CYB5R4: variants seen among roughly 807,000 people sequenced by gnomAD.
CYB5R4 encodes the protein N-terminal cytochrome b5 and cytochrome b5 oxidoreductase domain-containing protein.
CYB5R4 carries 55 observed loss-of-function variants against 70.2 expected under a neutral mutation model. The observed-to-expected ratio is 0.78, with a 90% CI of 0.63 to 0.98. The LOEUF is 0.98. Among genes scored for constraint, CYB5R4 ranks in the 50% least tolerant of loss-of-function variants. The pLI is 0.00. For missense variants in CYB5R4, 562 were observed against 612.6 expected, an observed-to-expected ratio of 0.92 and a Z score of 0.87; for synonymous variants, 197 against 199.5, an observed-to-expected ratio of 0.99 and a Z score of 0.11.
Position 83,922,181 on chromosome 6 carries a change from C to T in CYB5R4, c.659-257C>T, listed in dbSNP as rs574166458. ...CTGGAACCATCCATGCTTGGACTAG[C>T]GTGGGTTACCCATTTATGGGCAATT... On this transcript the variant is annotated intron_variant, in intron 8 of 15. Coordinates refer to ENST00000369681, the MANE Select transcript of CYB5R4 (RefSeq NM_016230.4). 4.6e-5 allele frequency among the ~76,000 whole-genome samples: 7 copies of T among 152,152 alleles called. No individual in the cohort carries two copies. The South Asian group carries it at 6.2e-4, about 14-fold the overall frequency.
chr6:83,943,157 C>T (rs2099470027), intron 14 of CYB5R4, among the ~76,000 whole-genome samples: 1 of 152,170 alleles, frequency 6.6e-6, no homozygotes, highest in African/African-American at 2.4e-5. Flanking sequence ...ACACCTGAGC[C>T]TCCTGACGGG....
At chr6:83,898,638 G>A (rs1013262550) in intron 3 of CYB5R4, among the ~76,000 whole-genome samples, 261 of 151,778 alleles carry the variant, frequency 1.7e-3, no homozygotes, top group Middle Eastern at 0.014. Context: ...CTTTTATTGC[G>A]TTGAGCAGTG....
intron 12 of CYB5R4, among the ~76,000 whole-genome samples, chr6:83,937,455 TC>T (rs1355961606): frequency 6.6e-6 from 1 of 152,184 alleles, no homozygotes; most frequent in Non-Finnish European, 1.5e-5. Flanking sequence ...GTCTTACTTA[TC>T]TTTGTATTTC....
chr6:83,934,799 A>G (rs1588581473), intron 11 of CYB5R4, 64 bp downstream of exon 11: 7 of 1,395,596 alleles, frequency 5.0e-6, no homozygotes, highest in South Asian at 4.1e-5. Context: ...AATCAGTACT[A>G]TTCTCTCTAG....
chr6:83,959,668 AT>A (rs2099473011), intron 15 of CYB5R4, among the ~76,000 whole-genome samples, 155 bp from the exon 16 acceptor site: 1 of 152,122 alleles, frequency 6.6e-6, no homozygotes, highest in African/African-American at 2.4e-5. Context: ...CTAATCACTA[AT>A]TTTTTAAGAG....
intron 2 of CYB5R4, among the ~76,000 whole-genome samples, chr6:83,886,548 A>T (rs192452156): frequency 6.6e-6 from 1 of 152,242 alleles, no homozygotes; most frequent in East Asian, 1.9e-4. Flanking sequence ...ATATTGTATG[A>T]TCCCATTTGT....
intron 2 of CYB5R4, among the ~76,000 whole-genome samples, chr6:83,884,155 T>A (rs1185532089): frequency 1.3e-5 from 2 of 151,822 alleles, no homozygotes; most frequent in African/African-American, 4.8e-5. Context: ...AAATGATAGT[T>A]TATAATAATT....
chr6:83,864,403 T>G (rs1404755383), intron 2 of CYB5R4, 75 bp downstream of exon 2: 1 of 1,313,432 alleles, frequency 7.6e-7, no homozygotes, highest in East Asian at 2.4e-5. Context: ...AACCTCACAG[T>G]CATGTTATTT....
chr6:83,904,025 A>C (rs2099463396), intron 3 of CYB5R4, among the ~76,000 whole-genome samples: 1 of 152,024 alleles, frequency 6.6e-6, no homozygotes, highest in East Asian at 1.9e-4. Flanking sequence ...TCTTTTTAAA[A>C]AATCTATTTC....
chr6:83,864,549 A>G (rs2099456454), intron 2 of CYB5R4, among the ~76,000 whole-genome samples: 1 of 152,190 alleles, frequency 6.6e-6, no homozygotes, highest in African/African-American at 2.4e-5. Context: ...GATACGAAAA[A>G]GTTTTTCTTG....
chr6:83,882,400 A>T (rs1035943863), intron 2 of CYB5R4, among the ~76,000 whole-genome samples: 2 of 152,224 alleles, frequency 1.3e-5, no homozygotes, highest in East Asian at 3.8e-4. Flanking sequence ...CTGAAGGCTG[A>T]AAACGTTGAA....
At chr6:83,900,650 C>G (rs1168417728) in intron 3 of CYB5R4, among the ~76,000 whole-genome samples, 1 of 152,138 alleles carries the variant, frequency 6.6e-6, no homozygotes. Flanking sequence ...TCTGGGTGCT[C>G]CTGTATTGGG....
intron 3 of CYB5R4, among the ~76,000 whole-genome samples, chr6:83,899,001 G>C (rs2099462408): frequency 6.6e-6 from 1 of 152,176 alleles, no homozygotes; most frequent in Non-Finnish European, 1.5e-5. Context: ...CCAACACTAT[G>C]TTGAATAGGA....
Position 83,919,433 on chromosome 6 carries a change from T to G in CYB5R4, c.543T>G (p.Ile181Met). 1 of 1,520,198 alleles carries G rather than the reference T, an allele frequency of 6.6e-7. No homozygotes were observed. Among genetic ancestry groups the G allele is most frequent in the Non-Finnish European group, 9.0e-7 (1 of 1,114,300 alleles). The allele number at this position is 1,520,198 out of a possible 1,614,324, so 94.2% of individuals were successfully genotyped here. Residue 181 changes from isoleucine to methionine, a missense_variant, in exon 7 of 16, where the codon ATT (isoleucine) becomes ATG (methionine). Ile to Met is a conservative substitution (Grantham distance 10). Coordinates refer to ENST00000369681, the MANE Select transcript of CYB5R4 (RefSeq NM_016230.4). Reference sequence around the variant, plus strand: ...TCCAAACAGACTCTTTAGTCACCATTGCCATATATACTAAACAGAAGGTAA... The same window carrying G: ...TCCAAACAGACTCTTTAGTCACCATGGCCATATATACTAAACAGAAGGTAA... ...DWFQTDSLVT[I>M]AIYTKQKDIN...
chr6:83,956,551 A>G (rs1276783423), intron 15 of CYB5R4, among the ~76,000 whole-genome samples: 1 of 152,152 alleles, frequency 6.6e-6, no homozygotes, highest in African/African-American at 2.4e-5. Flanking sequence ...CCTTAGAGAT[A>G]ATAGATGACA....
chr6:83,898,882 T>A (rs1399760781), intron 3 of CYB5R4, among the ~76,000 whole-genome samples: 1 of 152,218 alleles, frequency 6.6e-6, no homozygotes, highest in Non-Finnish European at 1.5e-5. Flanking sequence ...GATGGGGTAT[T>A]CTAAATATAC....
intron 4 of CYB5R4, among the ~76,000 whole-genome samples, chr6:83,912,809 G>A (rs1201150041): frequency 6.6e-6 from 1 of 152,184 alleles, no homozygotes; most frequent in African/African-American, 2.4e-5. Context: ...AACAGAGTAG[G>A]AGAATTTTTA....
intron 2 of CYB5R4, among the ~76,000 whole-genome samples, chr6:83,865,727 A>G (rs913781714): frequency 6.6e-6 from 1 of 152,140 alleles, no homozygotes; most frequent in African/African-American, 2.4e-5. Context: ...ACTTCAACCT[A>G]TGAATTTGGA....
At chr6:83,900,326 G>A (rs1014905962) in intron 3 of CYB5R4, among the ~76,000 whole-genome samples, 1 of 152,186 alleles carries the variant, frequency 6.6e-6, no homozygotes, top group Non-Finnish European at 1.5e-5. Flanking sequence ...ACTGTGGTCT[G>A]AGAGACAGTT....
Sources: allele counts gnomAD v4.1 joint callset (sites outside exome capture counted in the v4.1 genomes callset), GRCh38; gene constraint gnomAD v4.1.1; transcripts MANE v1.5; gene names NCBI Gene and HGNC (gene_info 2026-07-23, HGNC 2026-07-21).